The following NEBL variants were observed in gnomAD, a reference collection of about 807,000 sequenced individuals.
The protein encoded by NEBL is nebulette, also known as LIM and SH3 protein 2.
NEBL carries 122 observed loss-of-function variants against 140.2 expected under a neutral mutation model. The observed-to-expected ratio is 0.87, with a 90% CI of 0.75 to 1.01. The LOEUF is 1.01. NEBL is among the 50% of genes least tolerant of loss of function. The pLI, the probability that NEBL is intolerant of heterozygous loss-of-function variation, is 0.00. For missense variants in NEBL, 1,365 were observed against 1,231.3 expected, an observed-to-expected ratio of 1.11 and a Z score of -1.62; for synonymous variants, 436 against 398.9, an observed-to-expected ratio of 1.09 and a Z score of -1.11.
At chr10:21,246,107 G>T (rs1842514306) in intron 3 of NEBL, among the ~76,000 whole-genome samples, 1 of 152,206 alleles carries the variant, frequency 6.6e-6, no homozygotes, top group Non-Finnish European at 1.5e-5. Flanking sequence ...TGACCTTGAT[G>T]CAGTTACTCT....
Position 20,863,291 on chromosome 10 carries a change from C to T in NEBL, c.685-3465G>A, listed in dbSNP as rs142522957. 3.9e-4 allele frequency among the ~76,000 whole-genome samples: 60 copies of T among 152,242 alleles called. 1 individual carries two copies. The East Asian group carries it at 7.0e-3, about 18-fold the overall frequency. On this transcript the variant is annotated intron_variant, in intron 7 of 27. Transcript: ENST00000377122. ...ACTGACATCATCTGTGACTCAGAAT[C>T]GCAAAAAGCCAGCAAAGGCACAAAA...
chr10:21,122,017 T>C, intron 2 of NEBL, among the ~76,000 whole-genome samples: 1 of 151,702 alleles, frequency 6.6e-6, no homozygotes, highest in East Asian at 1.9e-4. Context: ...TTGTTGTTGT[T>C]GTTGTTGTTG....
chr10:20,978,554 C>T (rs566614934), intron 3 of NEBL, among the ~76,000 whole-genome samples: 2 of 151,750 alleles, frequency 1.3e-5, no homozygotes, highest in East Asian at 1.9e-4. Context: ...GCCAGGAGTT[C>T]GAGAACAGCC....
At chr10:21,088,434 T>C (rs917181350) in intron 2 of NEBL, among the ~76,000 whole-genome samples, 3 of 152,110 alleles carry the variant, frequency 2.0e-5, no homozygotes, top group Non-Finnish European at 1.5e-5. Context: ...TAGTGGGCTA[T>C]GATGGTACCA....
chr10:21,041,502 G>C (rs539200662), intron 2 of NEBL, among the ~76,000 whole-genome samples: 1 of 152,092 alleles, frequency 6.6e-6, no homozygotes, highest in African/African-American at 2.4e-5. Flanking sequence ...TTTGACCTGA[G>C]AGAGAAATTG....
At chr10:20,897,078 A>C (rs551609296) in intron 1 of NEBL, 47 bp downstream of exon 1, 2 of 1,599,256 alleles carry the variant, frequency 1.3e-6, no homozygotes, top group South Asian at 2.2e-5. Flanking sequence ...TCTCATTGTC[A>C]ATTTAGAGGA....
chr10:20,788,976 C>G (rs985175550), intron 26 of NEBL, among the ~76,000 whole-genome samples: 2 of 152,162 alleles, frequency 1.3e-5, no homozygotes, highest in Admixed American at 6.6e-5. Context: ...TTTCCTGGCA[C>G]ATAGTAAGCC....
chr10:21,010,425 T>A (rs888158046), intron 3 of NEBL, among the ~76,000 whole-genome samples: 2 of 151,782 alleles, frequency 1.3e-5, no homozygotes, highest in African/African-American at 4.8e-5. Flanking sequence ...TTTAATTTTT[T>A]TTTTTTTTTG....
chr10:21,149,449 C>T (rs917201259), intron 2 of NEBL, among the ~76,000 whole-genome samples: 1 of 152,110 alleles, frequency 6.6e-6, no homozygotes, highest in African/African-American at 2.4e-5. Flanking sequence ...TGCCACCACA[C>T]CCAGATAATT....
intron 4 of NEBL, among the ~76,000 whole-genome samples, chr10:20,929,385 C>T (rs1834068786): frequency 6.6e-6 from 1 of 152,052 alleles, no homozygotes; most frequent in Non-Finnish European, 1.5e-5. Flanking sequence ...TATTTCTCCA[C>T]CTGCCTTTCC....
chr10:20,823,340 T>C (rs1839535746), intron 18 of NEBL, 40 bp from the exon 19 acceptor site: 1 of 1,398,118 alleles, frequency 7.2e-7, no homozygotes, highest in Non-Finnish European at 1.0e-6. Context: ...CTTTATTCTA[T>C]GCAAGGCTTT....
intron 16 of NEBL, among the ~76,000 whole-genome samples, chr10:20,829,639 C>T (rs1447534102): frequency 1.3e-5 from 2 of 151,852 alleles, no homozygotes; most frequent in East Asian, 3.9e-4. Context: ...TTGAAATGCA[C>T]CAGGCTTCAT....
chr10:21,077,086 T>C (rs1836132878), intron 2 of NEBL, among the ~76,000 whole-genome samples: 1 of 152,176 alleles, frequency 6.6e-6, no homozygotes, highest in African/African-American at 2.4e-5. Context: ...TTTAAAAATA[T>C]GTTTAAAAAT....
chr10:21,122,002 G>GGTTGTTGTTGTTGTTGTT (rs147160117), intron 2 of NEBL, among the ~76,000 whole-genome samples: 2 of 149,434 alleles, frequency 1.3e-5, no homozygotes, highest in Non-Finnish European at 3.0e-5. Context: ...GATTTCTCCT[G>GGTTGTTGTTGTTGTTGTT]GTTGTTGTTG....
intron 4 of NEBL, among the ~76,000 whole-genome samples, chr10:20,956,662 T>C (rs533170224): frequency 1.3e-5 from 2 of 152,230 alleles, no homozygotes; most frequent in Non-Finnish European, 2.9e-5. Context: ...CAGAAGCTTT[T>C]ACATAAATGT....
intron 22 of NEBL, among the ~76,000 whole-genome samples, chr10:20,814,466 T>A (rs1161022311): frequency 6.6e-6 from 1 of 151,074 alleles, no homozygotes; most frequent in Non-Finnish European, 1.5e-5. Context: ...AAAAATTAGT[T>A]GGGCGTGTGC....
intron 3 of NEBL, among the ~76,000 whole-genome samples, chr10:20,987,202 C>A (rs1392034670): frequency 6.9e-6 from 1 of 144,026 alleles, no homozygotes; most frequent in Non-Finnish European, 1.5e-5. Flanking sequence ...TTTTTTTTTT[C>A]CTAAGACATT....
At chr10:21,189,941 C>T (rs1311786001) in intron 3 of NEBL, among the ~76,000 whole-genome samples, 1 of 152,184 alleles carries the variant, frequency 6.6e-6, no homozygotes, top group African/African-American at 2.4e-5. Flanking sequence ...TGCAAAATAA[C>T]AGCTTCAATT....
At chr10:21,116,862 G>A in intron 2 of NEBL, among the ~76,000 whole-genome samples, 1 of 151,904 alleles carries the variant, frequency 6.6e-6, no homozygotes, top group East Asian at 1.9e-4. Flanking sequence ...CCAGAGATGG[G>A]GGTCTCACTG....
Sources: allele counts gnomAD v4.1 joint callset (sites outside exome capture counted in the v4.1 genomes callset), GRCh38; gene constraint gnomAD v4.1.1; transcripts MANE v1.5; gene names NCBI Gene and HGNC (gene_info 2026-07-23, HGNC 2026-07-21).